Variants in KLF5 observed in about 807,000 individuals in gnomAD.
KLF5 encodes KLF transcription factor 5, also known as Krueppel-like factor 5.
A neutral mutation model predicts 36.9 loss-of-function variants in KLF5; 9 were observed. The observed-to-expected ratio is 0.24, with a 90% CI of 0.15 to 0.43. The LOEUF (loss-of-function observed/expected upper bound fraction) is 0.43. Ranked by LOEUF, KLF5 falls within the 20% of genes least tolerant of loss-of-function variation. The pLI, the probability that KLF5 is intolerant of heterozygous loss-of-function variation, is 1.00. For synonymous variants in KLF5, 246 were observed against 241.7 expected, an observed-to-expected ratio of 1.02 and a Z score of -0.17; for missense variants, 524 against 599.5, an observed-to-expected ratio of 0.87 and a Z score of 1.31.
At chr13:73,074,199 A>G (rs962835025) in intron 3 of KLF5, among the ~76,000 whole-genome samples, 2 of 152,212 alleles carry the variant, frequency 1.3e-5, no homozygotes, top group African/African-American at 4.8e-5. Context: ...CAACAAAAAT[A>G]TATTAACCAC....
chr13:73,060,402 A>G (rs2139101864), intron 1 of KLF5, among the ~76,000 whole-genome samples: 1 of 152,320 alleles, frequency 6.6e-6, no homozygotes, highest in Admixed American at 6.5e-5. Flanking sequence ...AACAGCTGGA[A>G]GAGCTAAAAT....
intron 3 of KLF5, among the ~76,000 whole-genome samples, chr13:73,068,701 C>T (rs2044699725): frequency 1.2e-5 from 1 of 86,096 alleles, no homozygotes; most frequent in Non-Finnish European, 2.5e-5. Flanking sequence ...GAGACTCCAT[C>T]TCAAAAAAAA....
intron 3 of KLF5, among the ~76,000 whole-genome samples, chr13:73,067,878 G>A (rs894189970): frequency 7.7e-5 from 11 of 143,720 alleles, no homozygotes; most frequent in East Asian, 2.0e-4. Flanking sequence ...TCTCGCTTTC[G>A]TCCCCAGGCT....
In KLF5 at chr13:73,059,199, T is replaced by C; in HGVS notation, c.-129T>C. On this transcript the variant is annotated 5_prime_UTR_variant, in exon 1 of 4. Coordinates refer to ENST00000377687, the MANE Select transcript of KLF5 (RefSeq NM_001730.5). ...CGCCTTCGAAAACTGCCTGCCGCTG[T>C]CTGAGGAGTCCACCCGAAACCTCCC... 1.2e-6 allele frequency: 1 copy of C among 856,624 alleles called. No homozygotes were observed. Among genetic ancestry groups the C allele is most frequent in the Non-Finnish European group, 1.6e-6 (1 of 639,368 alleles). The allele number at this position is 856,624 out of a possible 1,614,324, so 53.1% of individuals were successfully genotyped here. A position where few individuals can be genotyped will look rare whatever the true frequency, so the allele number is the denominator to read the frequency against.
In KLF5 at chr13:73,059,222, C is replaced by A; in HGVS notation, c.-106C>A. On this transcript the variant is annotated 5_prime_UTR_variant, in exon 1 of 4. Transcript: ENST00000377687. ...TGTCTGAGGAGTCCACCCGAAACCT[C>A]CCCTCCTCCGCCGGCAGCCCCGCGC... 8.9e-7 allele frequency: 1 copy of A among 1,129,886 alleles called. No individual in the cohort carries two copies. The highest frequency in any genetic ancestry group is 1.1e-6 in the Non-Finnish European group (1 of 885,914). 70.0% of individuals were successfully genotyped at this position (1,129,886 alleles called of 1,614,324 possible).
chr13:73,073,215 G>T (rs2044734629), intron 3 of KLF5, among the ~76,000 whole-genome samples: 1 of 152,184 alleles, frequency 6.6e-6, no homozygotes, highest in Admixed American at 6.5e-5. Context: ...CAGAAATTGG[G>T]TACCAGTTTC....
At chr13:73,072,584 A>T (rs2044729973) in intron 3 of KLF5, among the ~76,000 whole-genome samples, 1 of 152,204 alleles carries the variant, frequency 6.6e-6, no homozygotes, top group African/African-American at 2.4e-5. Context: ...TGCTAATGGA[A>T]GATTTAAGTG....
chr13:73,059,567 G>A lies in KLF5; in HGVS notation c.240G>A (p.Leu80=). 1 of 1,166,794 alleles carries A rather than the reference G, an allele frequency of 8.6e-7. No homozygotes were observed. 72.3% of individuals were successfully genotyped at this position (1,166,794 alleles called of 1,614,324 possible). A position where few individuals can be genotyped will look rare whatever the true frequency, so the allele number is the denominator to read the frequency against. The stretch of plus-strand genomic sequence containing the variant: ...AGCCGCCCGCCACCGGCCCGCGGCT[G>A]CCTCCAGAGGACCTGGTCCAGGTAG... ...PAQPPATGPR[L]PPEDLVQTRC... Residue 80 remains leucine (L), a synonymous_variant, in exon 1 of 4, where the codon CTG becomes CTA. Coordinates refer to ENST00000377687, the MANE Select transcript of KLF5 (RefSeq NM_001730.5).
rs1287518553 is a variant in KLF5, at chr13:73,076,536, C to G, written c.*650C>G. The G allele has an allele frequency of 6.6e-6, 1 of 152,488 alleles. No homozygotes were observed. The highest frequency in any genetic ancestry group is 6.6e-5 in the Admixed American group (1 of 15,254). 9.4% of individuals were successfully genotyped at this position (152,488 alleles called of 1,614,324 possible). A position where few individuals can be genotyped will look rare whatever the true frequency, so the allele number is the denominator to read the frequency against. ...TTGAAAATAACCATGAATACACTTA[C>G]AGTTAGGATTTGTGGTAAGGTACCT... is the stretch of plus-strand genomic sequence containing the variant. On this transcript the variant is annotated 3_prime_UTR_variant, in exon 4 of 4. Coordinates refer to ENST00000377687, the MANE Select transcript of KLF5 (RefSeq NM_001730.5).
intron 3 of KLF5, among the ~76,000 whole-genome samples, chr13:73,066,996 T>C (rs1306945365): frequency 6.6e-6 from 1 of 152,218 alleles, no homozygotes; most frequent in Non-Finnish European, 1.5e-5. Flanking sequence ...ATGTGGATGT[T>C]CGCATGTATT....
chr13:73,061,311 GAA>G (rs1371417662), intron 1 of KLF5, among the ~76,000 whole-genome samples: 1 of 152,084 alleles, frequency 6.6e-6, no homozygotes. Context: ...CTGTAAACAA[GAA>G]AAGACACTGA....
At position 73,073,898 on chromosome 13, in the gene KLF5, A is replaced by G. The variant is rs73518699; in HGVS notation, c.1196-1810A>G. Reference sequence around the variant, plus strand: ...ACGTGATTTATACTTTGTTTTGTAAATGGCTTGAGTGTCTTAGGTTAAATT... The same window carrying G: ...ACGTGATTTATACTTTGTTTTGTAAGTGGCTTGAGTGTCTTAGGTTAAATT... On this transcript the variant is annotated intron_variant, in intron 3 of 3. Coordinates refer to ENST00000377687, the MANE Select transcript of KLF5 (RefSeq NM_001730.5). Among the ~76,000 whole-genome samples the G allele has an allele frequency of 8.4e-3, 1,280 of 152,316 alleles. 24 individuals are homozygous for G. Among genetic ancestry groups the G allele is most frequent in the African/African-American group, 0.029 (1,205 of 41,562 alleles).
upstream of KLF5, among the ~76,000 whole-genome samples, chr13:73,056,989 G>A (rs1037865618): frequency 2.0e-5 from 3 of 151,914 alleles, no homozygotes; most frequent in African/African-American, 4.8e-5. Context: ...AAAAAGTGGT[G>A]TGAAATTATA....
At chr13:73,057,273 AAG>A (rs1341898143), upstream of KLF5, among the ~76,000 whole-genome samples, 1 of 152,206 alleles carries the variant, frequency 6.6e-6, no homozygotes. Context: ...AATTTTTTAA[AAG>A]AGTTACATTA....
chr13:73,059,641 C>T, intron 1 of KLF5, 53 bp downstream of exon 1: 1 of 1,124,882 alleles, frequency 8.9e-7, no homozygotes, highest in Non-Finnish European at 1.1e-6. Flanking sequence ...CGGGCGTGTC[C>T]CGTTGCTGCG....
chr13:73,067,600 C>T (rs2139111413), intron 3 of KLF5, among the ~76,000 whole-genome samples: 1 of 152,024 alleles, frequency 6.6e-6, no homozygotes, highest in African/African-American at 2.4e-5. Flanking sequence ...TTTTTTTTCC[C>T]CCGTTTCAGC....
intron 3 of KLF5, among the ~76,000 whole-genome samples, chr13:73,065,726 C>T (rs774695181): frequency 4.6e-5 from 7 of 152,030 alleles, no homozygotes. Flanking sequence ...TTGTTTTTTT[C>T]ACTTTTGGAA....
intron 3 of KLF5, among the ~76,000 whole-genome samples, chr13:73,067,128 G>A (rs530667917): frequency 6.6e-6 from 1 of 152,200 alleles, no homozygotes; most frequent in South Asian, 2.1e-4. Context: ...ACTTTTAACA[G>A]CATTTAAATG....
intron 1 of KLF5, among the ~76,000 whole-genome samples, chr13:73,061,172 TATC>T (rs892607886): frequency 3.0e-4 from 46 of 152,348 alleles, no homozygotes; most frequent in African/African-American, 1.0e-3. Context: ...AACATTTCAT[TATC>T]ATATTAACCA....
Sources: allele counts gnomAD v4.1 joint callset (sites outside exome capture counted in the v4.1 genomes callset), GRCh38; gene constraint gnomAD v4.1.1; transcripts MANE v1.5; gene names NCBI Gene and HGNC (gene_info 2026-07-23, HGNC 2026-07-21).